NCAM2: variants seen among roughly 807,000 people sequenced by gnomAD.
NCAM2 encodes the protein N-CAM-2.
In NCAM2, 30 loss-of-function variants were observed where a neutral mutation model predicts 98.1. The ratio of observed to expected loss-of-function variants is 0.31; its 90% CI spans 0.23 to 0.41. The LOEUF is 0.41. Ranked by LOEUF, NCAM2 falls within the 10% of genes least tolerant of loss-of-function variation. The pLI is 1.00. For synonymous variants in NCAM2, 368 were observed against 342.4 expected, an observed-to-expected ratio of 1.07 and a Z score of -0.83; for missense variants, 867 against 1,005.8, an observed-to-expected ratio of 0.86 and a Z score of 1.87.
intron 1 of NCAM2, among the ~76,000 whole-genome samples, chr21:21,048,214 T>G (rs2065037211): frequency 6.6e-6 from 1 of 152,208 alleles, no homozygotes; most frequent in Non-Finnish European, 1.5e-5. Flanking sequence ...TCCACAATCC[T>G]TTATCTTAAC....
At chr21:21,276,749 C>T (rs2072743621) in intron 1 of NCAM2, among the ~76,000 whole-genome samples, 1 of 151,882 alleles carries the variant, frequency 6.6e-6, no homozygotes, top group Non-Finnish European at 1.5e-5. Context: ...CAAATCTGGT[C>T]TTTGGGAAAT....
rs908590940 is a variant in NCAM2 at position 21,542,576 on chromosome 21, C to T, written c.*4619C>T. ...GAATCTTTTGGCATCTGTTTTTAGCCTCCCATGGAAGACAGTAAGCAAAAC... is the reference window on the plus strand; with the variant it reads ...GAATCTTTTGGCATCTGTTTTTAGCTTCCCATGGAAGACAGTAAGCAAAAC... On this transcript the variant is annotated 3_prime_UTR_variant, in exon 18 of 18. Coordinates refer to ENST00000400546, the MANE Select transcript of NCAM2 (RefSeq NM_004540.5). The T allele has an allele frequency of 2.6e-5, 4 of 151,548 alleles. No individual in the cohort carries two copies. Among genetic ancestry groups the T allele is most frequent in the African/African-American group, 9.7e-5 (4 of 41,302 alleles). 9.4% of individuals were successfully genotyped at this position (151,548 alleles called of 1,614,324 possible).
intron 1 of NCAM2, among the ~76,000 whole-genome samples, chr21:21,065,392 C>G (rs913016695): frequency 6.6e-6 from 1 of 151,932 alleles, no homozygotes. Context: ...GTACTTATAT[C>G]TGATCTGTGG....
intron 1 of NCAM2, among the ~76,000 whole-genome samples, chr21:21,123,865 T>TTTTTTTTTTTTTTTTAAG: frequency 6.8e-6 from 1 of 146,950 alleles, no homozygotes; most frequent in African/African-American, 2.5e-5. Context: ...TTTTTTTTTT[T>TTTTTTTTTTTTTTTTAAG]GAGACGGAGT....
At chr21:21,118,445 C>T (rs1026071633) in intron 1 of NCAM2, among the ~76,000 whole-genome samples, 1 of 152,056 alleles carries the variant, frequency 6.6e-6, no homozygotes, top group African/African-American at 2.4e-5. Context: ...CTGAACTGCA[C>T]TCTGAAGGCT....
intron 12 of NCAM2, among the ~76,000 whole-genome samples, chr21:21,447,002 A>G (rs1980267362): frequency 6.6e-6 from 1 of 152,170 alleles, no homozygotes; most frequent in Non-Finnish European, 1.5e-5. Context: ...TTTCAATGCT[A>G]TTCCCATCAA....
intron 12 of NCAM2, among the ~76,000 whole-genome samples, chr21:21,457,718 G>A (rs1043988062): frequency 1.3e-5 from 2 of 152,026 alleles, no homozygotes; most frequent in Non-Finnish European, 2.9e-5. Flanking sequence ...TACAACTTGT[G>A]TGTGATGGAA....
chr21:21,321,090 A>G (rs1299110210), intron 5 of NCAM2, among the ~76,000 whole-genome samples: 4 of 152,190 alleles, frequency 2.6e-5, no homozygotes, highest in African/African-American at 9.6e-5. Flanking sequence ...TCTCTTGGCC[A>G]GGAACCAAGA....
chr21:21,446,422 G>A (rs573281018), intron 12 of NCAM2, among the ~76,000 whole-genome samples: 4 of 152,046 alleles, frequency 2.6e-5, no homozygotes, highest in East Asian at 3.9e-4. Context: ...CCTGAAGTAT[G>A]TTTTCCTGCT....
At chr21:21,392,422 G>A (rs1238382552) in intron 9 of NCAM2, among the ~76,000 whole-genome samples, 2 of 152,186 alleles carry the variant, frequency 1.3e-5, no homozygotes, top group Non-Finnish European at 2.9e-5. Flanking sequence ...ACAAATGAAT[G>A]TGTCTTTATA....
At chr21:21,123,170 C>T (rs1052505340) in intron 1 of NCAM2, among the ~76,000 whole-genome samples, 1 of 94 alleles carries the variant, frequency 0.011, no homozygotes, top group African/African-American at 0.071. Context: ...TGATGTGGGC[C>T]GGATCATGAG....
At position 21,411,069 on chromosome 21, in the gene NCAM2, T is replaced by TACAC. The variant is rs1555889864; in HGVS notation, c.1383+614_1383+617dup. Reference sequence around the variant, plus strand: ...ATATGTGTGTGTATATATATATATATACACACACATATATATATGTGTGTA... The same window carrying TACAC: ...ATATGTGTGTGTATATATATATATATACACACACACACATATATATATGTGTGTA... On this transcript the variant is annotated intron_variant, in intron 10 of 17. Transcript: ENST00000400546. Among the ~76,000 whole-genome samples the TACAC allele has an allele frequency of 4.3e-3, 142 of 32,808 alleles. 17 individuals are homozygous for TACAC. The East Asian group carries it at 0.044, about 10-fold the overall frequency. 21.5% of individuals were successfully genotyped at this position (32,808 alleles called of 152,430 possible). A position where few individuals can be genotyped will look rare whatever the true frequency, so the allele number is the denominator to read the frequency against.
At chr21:21,084,812 A>G (rs1327672581) in intron 1 of NCAM2, among the ~76,000 whole-genome samples, 1 of 152,200 alleles carries the variant, frequency 6.6e-6, no homozygotes, top group Non-Finnish European at 1.5e-5. Context: ...ATTTGTTTAT[A>G]TGGATGAATA....
chr21:21,475,343 G>C (rs908324722), intron 14 of NCAM2, among the ~76,000 whole-genome samples: 5 of 152,108 alleles, frequency 3.3e-5, no homozygotes, highest in Admixed American at 2.0e-4. Context: ...TTTTTCAAAG[G>C]CCTCATGTCT....
chr21:21,439,365 C>T (rs983965571), intron 12 of NCAM2, among the ~76,000 whole-genome samples: 7 of 152,094 alleles, frequency 4.6e-5, no homozygotes, highest in Non-Finnish European at 8.8e-5. Context: ...GTGATCCAAT[C>T]GCCTTAGCCT....
In NCAM2 at chr21:21,102,457, C is replaced by T. The variant is rs552460322; in HGVS notation, c.55+103839C>T. On this transcript the variant is annotated intron_variant, in intron 1 of 17. Coordinates refer to ENST00000400546, the MANE Select transcript of NCAM2 (RefSeq NM_004540.5). ...GTATAGATTTTATTAAGGTTTTGGG[C>T]GCATACAAGTATATTTGGGGAAGGT... Among the ~76,000 whole-genome samples the T allele has an allele frequency of 1.3e-3, 200 of 151,736 alleles. 1 individual carries two copies. Among genetic ancestry groups the T allele is most frequent in the African/African-American group, 4.5e-3 (185 of 41,374 alleles).
At chr21:21,012,812 G>A (rs1399808947) in intron 1 of NCAM2, among the ~76,000 whole-genome samples, 1 of 151,816 alleles carries the variant, frequency 6.6e-6, no homozygotes, top group Non-Finnish European at 1.5e-5. Flanking sequence ...GTCACATTTA[G>A]GTAACTGGCA....
At chr21:21,307,967 T>A (rs1234532576) in intron 5 of NCAM2, among the ~76,000 whole-genome samples, 1 of 152,074 alleles carries the variant, frequency 6.6e-6, no homozygotes, top group African/African-American at 2.4e-5. Context: ...TCTTTTTAAA[T>A]CATGATATTT....
At chr21:21,051,691 G>C (rs2065111455) in intron 1 of NCAM2, among the ~76,000 whole-genome samples, 1 of 152,186 alleles carries the variant, frequency 6.6e-6, no homozygotes, top group Non-Finnish European at 1.5e-5. Context: ...AAGAAAAGCA[G>C]ACATTTCTGT....
Sources: gnomAD v4.1 joint callset for allele counts (sites outside exome capture counted in the v4.1 genomes callset) on GRCh38, gnomAD v4.1.1 for gene constraint, MANE v1.5 for transcripts, NCBI Gene and HGNC (gene_info 2026-07-23, HGNC 2026-07-21) for gene names.